The following ZFHX3 variants were observed in gnomAD, a reference collection of about 807,000 sequenced individuals.
The protein encoded by ZFHX3 is zinc finger homeobox protein 3.
ZFHX3 carries 42 observed loss-of-function variants against 279.1 expected under a neutral mutation model. The ratio of observed to expected loss-of-function variants is 0.15; its 90% CI spans 0.12 to 0.19. The LOEUF is 0.19. ZFHX3 is among the 10% of genes least tolerant of loss of function. ZFHX3 has a pLI of 1.00. For missense variants in ZFHX3, 4,981 were observed against 4,754.0 expected, an observed-to-expected ratio of 1.05 and a Z score of -1.40; for synonymous variants, 2,293 against 1,957.8, an observed-to-expected ratio of 1.17 and a Z score of -4.52.
intron 3 of ZFHX3, among the ~76,000 whole-genome samples, chr16:73,328,746 A>G (rs531281485): frequency 6.6e-6 from 1 of 152,366 alleles, no homozygotes; most frequent in African/African-American, 2.4e-5. Flanking sequence ...TCAGAAGGAT[A>G]AAACCAGGGT....
At chr16:73,706,482 A>G (rs1174064858) in intron 1 of ZFHX3, among the ~76,000 whole-genome samples, 1 of 151,322 alleles carries the variant, frequency 6.6e-6, no homozygotes, top group Non-Finnish European at 1.5e-5. Flanking sequence ...AAAGAGAAAA[A>G]TCATTTCTGA....
chr16:73,675,106 A>G (rs960261949), intron 2 of ZFHX3, among the ~76,000 whole-genome samples: 1 of 152,140 alleles, frequency 6.6e-6, no homozygotes, highest in African/African-American at 2.4e-5. Flanking sequence ...CCTCCTCCTT[A>G]TACTTGAAAG....
chr16:73,651,873 G>C (rs891349987), intron 2 of ZFHX3, among the ~76,000 whole-genome samples: 2 of 146,046 alleles, frequency 1.4e-5, no homozygotes, highest in African/African-American at 2.5e-5. Context: ...AAAAAAAAGA[G>C]ACAAATTGAC....
At chr16:73,669,135 C>T (rs538707862) in intron 2 of ZFHX3, among the ~76,000 whole-genome samples, 4 of 151,574 alleles carry the variant, frequency 2.6e-5, no homozygotes, top group Admixed American at 1.3e-4. Context: ...CTCACTGCAA[C>T]CACTGCCTCC....
intron 4 of ZFHX3, among the ~76,000 whole-genome samples, chr16:73,311,827 G>A (rs764693560): frequency 1.4e-4 from 22 of 152,180 alleles, no homozygotes; most frequent in Admixed American, 5.9e-4. Context: ...TTACATATAG[G>A]TTCAAAGCAT....
chr16:73,837,658 G>C (rs1343670760), intron 1 of ZFHX3, among the ~76,000 whole-genome samples: 1 of 151,218 alleles, frequency 6.6e-6, no homozygotes. Flanking sequence ...TTCTTTTTCA[G>C]ACGGAGTTTC....
intron 1 of ZFHX3, among the ~76,000 whole-genome samples, chr16:73,003,000 T>C (rs548571374): frequency 7.9e-5 from 12 of 152,310 alleles, no homozygotes; most frequent in Admixed American, 6.5e-4. Flanking sequence ...ATTTTAAAAA[T>C]TAAACTGAAG....
intron 2 of ZFHX3, among the ~76,000 whole-genome samples, chr16:73,464,544 G>A (rs1344435937): frequency 7.6e-6 from 1 of 131,292 alleles, no homozygotes; most frequent in Non-Finnish European, 1.6e-5. Flanking sequence ...GCTTCCAATC[G>A]GTTCTTTCTA....
At chr16:73,385,272 G>GA (rs957279602) in intron 3 of ZFHX3, among the ~76,000 whole-genome samples, 8 of 151,106 alleles carry the variant, frequency 5.3e-5, no homozygotes, top group Admixed American at 2.0e-4. Flanking sequence ...CTTTGCAATT[G>GA]AAAAAAAAAT....
intron 5 of ZFHX3, among the ~76,000 whole-genome samples, chr16:73,148,555 C>CTTTTTTTTTTTTTTTTTTTT (rs36018349): frequency 1.8e-5 from 1 of 55,382 alleles, no homozygotes; most frequent in East Asian, 7.3e-4. Context: ...AAATGCTGGG[C>CTTTTTTTTTTTTTTTTTTTT]TTTTTTTTTT....
intron 1 of ZFHX3, among the ~76,000 whole-genome samples, chr16:72,979,747 G>A (rs1036025712): frequency 7.2e-5 from 11 of 151,966 alleles, no homozygotes; most frequent in African/African-American, 1.2e-4. Context: ...ATTGAGGCCC[G>A]GGCAAAAGAA....
intron 1 of ZFHX3, among the ~76,000 whole-genome samples, chr16:73,026,673 CA>C (rs10561679): frequency 0.024 from 1,934 of 79,530 alleles, 39 homozygotes; most frequent in African/African-American, 0.065. Flanking sequence ...AAAACTGCCT[CA>C]AAAAAAAAAA....
At position 72,959,679 on chromosome 16, in the gene ZFHX3, G is replaced by A. The variant is rs1224572742; in HGVS notation, c.467C>T (p.Ala156Val). 3 of 1,613,940 alleles carry A rather than the reference G, an allele frequency of 1.9e-6. No homozygotes were observed. Among genetic ancestry groups the A allele is most frequent in the Non-Finnish European group, 2.5e-6 (3 of 1,179,996 alleles). Residue 156 changes from alanine to valine, a missense_variant, in exon 2 of 10, where the codon GCC becomes GTC. Physicochemically the swap from Ala to Val is moderately conservative, Grantham distance 64 (BLOSUM62 0). Transcript: ENST00000268489. ...SLSQLTQGGG[A>V]CGSGSGSGPL... ...CCCACTGCCACTGCCACTCCCACAG[G>A]CGCCCCCGCCCTGGGTCAGCTGGCT...
intron 6 of ZFHX3, among the ~76,000 whole-genome samples, chr16:73,135,912 C>T (rs910499282): frequency 1.3e-5 from 2 of 150,530 alleles, no homozygotes; most frequent in African/African-American, 4.9e-5. Flanking sequence ...GGCTGGAGTA[C>T]AGTGGTGCGA....
At position 73,601,299 on chromosome 16, in the gene ZFHX3, CA is replaced by C. The variant is rs1217744713; in HGVS notation, c.-1547+78880del. Among the ~76,000 whole-genome samples the C allele has an allele frequency of 1.0e-2, 603 of 60,476 alleles. 1 individual carries two copies. The highest frequency in any genetic ancestry group is 0.037 in the Middle Eastern group (3 of 82). The allele number at this position is 60,476 out of a possible 152,430, so 39.7% of individuals were successfully genotyped here. A position where few individuals can be genotyped will look rare whatever the true frequency, so the allele number is the denominator to read the frequency against. On this transcript the variant is annotated intron_variant, in intron 2 of 17. Coordinates refer to the ZFHX3 transcript ENST00000641206. ...AACCCCGTCTCTACTACTAAAAATA[CA>C]AAAAAAAAAAAAAAAAAAAATTAGC... is the stretch of plus-strand genomic sequence containing the variant.
At chr16:73,446,612 C>T (rs2018189996) in intron 3 of ZFHX3, among the ~76,000 whole-genome samples, 1 of 152,088 alleles carries the variant, frequency 6.6e-6, no homozygotes, top group Non-Finnish European at 1.5e-5. Flanking sequence ...CAGCCATTAT[C>T]CTTAGCAAAC....
intron 2 of ZFHX3, among the ~76,000 whole-genome samples, chr16:73,625,730 G>T (rs989514879): frequency 3.4e-4 from 52 of 152,216 alleles, no homozygotes; most frequent in African/African-American, 1.2e-3. Context: ...TAGGTCCAGG[G>T]TGGGGCCCAG....
At chr16:73,740,674 C>T (rs1386352833) in intron 1 of ZFHX3, among the ~76,000 whole-genome samples, 2 of 152,144 alleles carry the variant, frequency 1.3e-5, no homozygotes, top group African/African-American at 4.8e-5. Flanking sequence ...ATCTTAAAGA[C>T]TAAACAACAC....
chr16:72,851,189 C>G (rs547822725), intron 4 of ZFHX3, among the ~76,000 whole-genome samples: 1 of 152,178 alleles, frequency 6.6e-6, no homozygotes, highest in African/African-American at 2.4e-5. Flanking sequence ...GAGAGAGATG[C>G]CCCAGCCAGA....
Sources: allele counts gnomAD v4.1 joint callset (sites outside exome capture counted in the v4.1 genomes callset), GRCh38; gene constraint gnomAD v4.1.1; transcripts MANE v1.5; gene names NCBI Gene and HGNC (gene_info 2026-07-23, HGNC 2026-07-21).